The following MAP3K14 variants were observed in gnomAD, a reference collection of about 807,000 sequenced individuals.
The protein encoded by MAP3K14 is mitogen-activated protein kinase kinase kinase 14.
In MAP3K14, 16 loss-of-function variants were observed where a neutral mutation model predicts 99.2. The observed-to-expected ratio is 0.16, with a 90% confidence interval of 0.11 to 0.24. The LOEUF (loss-of-function observed/expected upper bound fraction) is 0.24. Among genes scored for constraint, MAP3K14 ranks in the 10% least tolerant of loss-of-function variants. The probability of loss-of-function intolerance (pLI) is 1.00; values close to 1 mark genes in which losing one functional copy is unlikely to be tolerated. For missense variants in MAP3K14, 784 were observed against 1,208.7 expected (o/e 0.65, Z 5.21); for synonymous variants, 462 against 492.4 (o/e 0.94, Z 0.82).
chr17:45,274,175 C>T lies in MAP3K14; in HGVS notation c.1500G>A (p.Leu500=), dbSNP rs2044161483. The change falls in exon 8 of 16, where the codon CTG becomes CTA. Residue 500 remains leucine, a synonymous_variant. Transcript: ENST00000344686. The part of the protein sequence containing the change: ...DRALYYLGQA[L]EGLEYLHSRR... ...GTGAGTGGAGGTATTCCAGACCCTC[C>T]AGGGCCTGGCCCAGGTAGTACAGGG... The T allele has an allele frequency of 3.7e-6, 6 of 1,603,898 alleles. No homozygotes were observed. Among genetic ancestry groups the T allele is most frequent in the Non-Finnish European group, 5.1e-6 (6 of 1,175,110 alleles).
In MAP3K14 at chr17:45,272,417, C is replaced by T. The variant is rs1598244882; in HGVS notation, c.1657+1086G>A. Among the ~76,000 whole-genome samples, 1 of 152,240 alleles carries T rather than the reference C, an allele frequency of 6.6e-6. No homozygotes were observed. The highest frequency in any genetic ancestry group is 1.9e-4 in the East Asian group (1 of 5,192). On this transcript the variant is annotated intron_variant, in intron 9 of 15. Coordinates refer to ENST00000344686, the MANE Select transcript of MAP3K14 (RefSeq NM_003954.5). This position sits in a 1 kb window ranked among gnomAD's most constrained non-coding sequence, Gnocchi z 4.1. ...ACAGTTATTTTAAAAGGGCTTAAAA[C>T]AACACGGGTGGAGGTCAAGTGTCCA...
At chr17:45,297,478 A>G (rs2044354463) in intron 1 of MAP3K14, among the ~76,000 whole-genome samples, 1 of 152,154 alleles carries the variant, frequency 6.6e-6, no homozygotes, top group East Asian at 1.9e-4. Context: ...ACTTAACTTG[A>G]TGGTTTTAAC....
rs1203212080 is a variant in MAP3K14 at position 45,272,467 on chromosome 17, G to C, written c.1657+1036C>G. The stretch of plus-strand genomic sequence containing the variant: ...ACATTCAATTTACATCTTCAGAATT[G>C]CCAACATAGTCCTTTAACAACACAC... On this transcript the variant is annotated intron_variant, in intron 9 of 15. Coordinates refer to ENST00000344686, the MANE Select transcript of MAP3K14 (RefSeq NM_003954.5). The surrounding 1 kb of genome is among the most constrained non-coding windows in gnomAD (Gnocchi z 4.1). Among the ~76,000 whole-genome samples the C allele has an allele frequency of 1.3e-5, 2 of 152,154 alleles. No homozygotes were observed. The highest frequency in any genetic ancestry group is 2.9e-5 in the Non-Finnish European group (2 of 68,032).
At chr17:45,268,311 C>T (rs1443002900) in intron 11 of MAP3K14, 2 of 152,266 alleles carry the variant, frequency 1.3e-5, no homozygotes, top group Non-Finnish European at 2.9e-5. Context: ...TAATCACAGC[C>T]TTTTTTGTGC....
chr17:45,280,931 A>C lies in MAP3K14; in HGVS notation c.1290+3881T>G, dbSNP rs567136949. ...TGGCCGACAAACACTCTTTTGAATA[A>C]ATTTCCTAGAATTCATGGATCCTAT... On this transcript the variant is annotated intron_variant, in intron 6 of 15. Coordinates refer to ENST00000344686, the MANE Select transcript of MAP3K14 (RefSeq NM_003954.5). 2.0e-5 allele frequency among the ~76,000 whole-genome samples: 3 copies of C among 152,248 alleles called. No homozygotes were observed. In the South Asian group the frequency reaches 6.2e-4, roughly 32 times the overall value.
At chr17:45,288,458 A>G (rs1598256789) in intron 3 of MAP3K14, among the ~76,000 whole-genome samples, 1 of 151,142 alleles carries the variant, frequency 6.6e-6, no homozygotes, top group Non-Finnish European at 1.5e-5. Context: ...GCTCACTGCA[A>G]CCTTCGACTC....
chr17:45,298,074 T>C (rs1382729842), intron 1 of MAP3K14, among the ~76,000 whole-genome samples: 1 of 152,122 alleles, frequency 6.6e-6, no homozygotes, highest in Non-Finnish European at 1.5e-5. Flanking sequence ...GGAAGATGGG[T>C]GAAATGGGTT....
At chr17:45,305,957 A>G (rs996294380) in intron 1 of MAP3K14, among the ~76,000 whole-genome samples, 7 of 152,210 alleles carry the variant, frequency 4.6e-5, no homozygotes, top group African/African-American at 1.7e-4. Flanking sequence ...TGGGACCCAC[A>G]ATTCCTTGGC....
In MAP3K14 at chr17:45,274,510, A is replaced by G; in HGVS notation, c.1374T>C (p.Ala458=). The stretch of plus-strand genomic sequence containing the variant: ...TGTTGACCCAAGGCCCTTCTCTCAC[A>G]GCTCCATACAAAGGGACAATTCTGG... ...TSPRIVPLYG[A]VREGPWVNIF... The change falls in exon 7 of 16, where the codon GCT becomes GCC. Residue 458 remains alanine, a synonymous_variant. Coordinates refer to ENST00000344686, the MANE Select transcript of MAP3K14 (RefSeq NM_003954.5). 6.2e-7 allele frequency: 1 copy of G among 1,613,998 alleles called. No homozygotes were observed. Among genetic ancestry groups the G allele is most frequent in the Non-Finnish European group, 8.5e-7 (1 of 1,179,898 alleles).
intron 1 of MAP3K14, among the ~76,000 whole-genome samples, chr17:45,309,013 C>G (rs1443279235): frequency 6.6e-6 from 1 of 151,998 alleles, no homozygotes; most frequent in African/African-American, 2.4e-5. Flanking sequence ...GTGGATCTCA[C>G]TATGTTGTCC....
At chr17:45,295,680 C>T (rs2044341574) in intron 1 of MAP3K14, among the ~76,000 whole-genome samples, 1 of 152,228 alleles carries the variant, frequency 6.6e-6, no homozygotes, top group African/African-American at 2.4e-5. Context: ...GCCTCCTAAG[C>T]CGACATCTAA....
chr17:45,279,636 G>A (rs2044205413), intron 6 of MAP3K14, among the ~76,000 whole-genome samples: 1 of 149,690 alleles, frequency 6.7e-6, no homozygotes, highest in Admixed American at 6.7e-5. Context: ...TGTTAGCCAG[G>A]ATGGTCTCGC....
intron 1 of MAP3K14, among the ~76,000 whole-genome samples, chr17:45,305,147 G>A (rs1179306360): frequency 1.3e-5 from 2 of 152,006 alleles, no homozygotes; most frequent in African/African-American, 4.8e-5. Context: ...GCCCAGGCTG[G>A]AGTGCAGTGA....
At chr17:45,275,493 A>C (rs1176434962) in intron 6 of MAP3K14, among the ~76,000 whole-genome samples, 2 of 83,594 alleles carry the variant, frequency 2.4e-5, no homozygotes. Flanking sequence ...AAAAAAAAAA[A>C]ACAAAAAAAA....
At chr17:45,274,065 C>T (rs1356903895) in intron 8 of MAP3K14, 58 bp downstream of exon 8, 7 of 1,583,294 alleles carry the variant, frequency 4.4e-6, no homozygotes, top group Non-Finnish European at 6.0e-6. Flanking sequence ...GGAGATCAGA[C>T]AGGATGGTGT....
At chr17:45,275,854 C>T (rs916394983) in intron 6 of MAP3K14, among the ~76,000 whole-genome samples, 13 of 151,022 alleles carry the variant, frequency 8.6e-5, no homozygotes, top group South Asian at 2.1e-4. Context: ...CTCTGCCTCC[C>T]GGGTTCAAGC....
intron 3 of MAP3K14, among the ~76,000 whole-genome samples, chr17:45,288,764 C>T (rs954106606): frequency 6.6e-6 from 1 of 152,110 alleles, no homozygotes; most frequent in African/African-American, 2.4e-5. Flanking sequence ...TTCTACCGGG[C>T]CACCAAGTCT....
chr17:45,266,673 T>A lies in MAP3K14; in HGVS notation c.2442A>T (p.Ser814=). ...TGTCCCGCGAGCTTTGAGAGGCCTT[T>A]GATGGGTTCTGAAACAACAGGATTG... ...SLSDDSEKNP[S]KASQSSRDTL... is the part of the protein sequence containing the mutation. Residue 814 remains serine, a synonymous_variant, in exon 14 of 16, where the codon TCA becomes TCT. Transcript: ENST00000344686. 1 of 1,610,420 alleles carries A rather than the reference T, an allele frequency of 6.2e-7. No individual in the cohort carries two copies. Among genetic ancestry groups the A allele is most frequent in the Non-Finnish European group, 8.5e-7 (1 of 1,177,308 alleles).
intron 6 of MAP3K14, among the ~76,000 whole-genome samples, chr17:45,279,788 A>T (rs2044207660): frequency 6.6e-6 from 1 of 152,152 alleles, no homozygotes; most frequent in Admixed American, 6.5e-5. Context: ...AATTCTATAA[A>T]TTCTTTTGAA....
Sources: allele counts gnomAD v4.1 joint callset (sites outside exome capture counted in the v4.1 genomes callset), GRCh38; gene constraint gnomAD v4.1.1; non-coding constraint Gnocchi (gnomAD v3.1); transcripts MANE v1.5; gene names NCBI Gene and HGNC (gene_info 2026-07-23, HGNC 2026-07-21).